GDPD1: variants seen among roughly 807,000 people sequenced by gnomAD.
GDPD1 encodes lysophospholipase D GDPD1.
In GDPD1, 28 loss-of-function variants were observed where a neutral mutation model predicts 45.1. The ratio of observed to expected loss-of-function variants is 0.62; its 90% CI spans 0.46 to 0.85. GDPD1 has a LOEUF of 0.85. GDPD1 is among the 40% of genes least tolerant of loss of function. GDPD1 has a pLI of 0.00. For missense variants in GDPD1, 256 were observed against 364.8 expected (o/e 0.70, Z 2.43); for synonymous variants, 139 against 131.4 (o/e 1.06, Z -0.40).
At chr17:59,257,709 G>A in intron 5 of GDPD1, 42 bp from the exon 6 acceptor site, 1 of 1,232,574 alleles carries the variant, frequency 8.1e-7, no homozygotes, top group South Asian at 1.3e-5. Context: ...TAGTGGATTT[G>A]CAAATAGGCA....
intron 1 of GDPD1, among the ~76,000 whole-genome samples, chr17:59,224,425 A>T (rs939157999): frequency 1.3e-5 from 2 of 152,102 alleles, no homozygotes; most frequent in African/African-American, 4.8e-5. Flanking sequence ...AATCGAGACC[A>T]TCCTGGCTAA....
At chr17:59,228,172 A>G (rs2047062123) in intron 1 of GDPD1, among the ~76,000 whole-genome samples, 3 of 137,850 alleles carry the variant, frequency 2.2e-5, no homozygotes, top group Admixed American at 2.2e-4. Context: ...ACTCCATCTA[A>G]AAAAAAAAAA....
chr17:59,233,428 C>T (rs2047106824), intron 1 of GDPD1, among the ~76,000 whole-genome samples: 2 of 147,424 alleles, frequency 1.4e-5, no homozygotes, highest in Admixed American at 6.9e-5. Flanking sequence ...AGGAGAATGG[C>T]GTAAGCCCGG....
At chr17:59,238,721 T>C (rs1183828248) in intron 2 of GDPD1, among the ~76,000 whole-genome samples, 2 of 152,154 alleles carry the variant, frequency 1.3e-5, no homozygotes, top group Non-Finnish European at 2.9e-5. Context: ...CCTTGTGTTA[T>C]TTCATTAGGA....
chr17:59,228,498 G>C (rs1294515883), intron 1 of GDPD1, among the ~76,000 whole-genome samples: 2 of 152,178 alleles, frequency 1.3e-5, no homozygotes, highest in East Asian at 3.8e-4. Context: ...ATACAGAGGA[G>C]AGACTGTTTA....
chr17:59,243,996 A>G (rs1468666267), intron 2 of GDPD1, among the ~76,000 whole-genome samples: 2 of 152,138 alleles, frequency 1.3e-5, no homozygotes, highest in African/African-American at 4.8e-5. Flanking sequence ...TTGCCTCCTC[A>G]GAAGAAAAAA....
intron 7 of GDPD1, among the ~76,000 whole-genome samples, chr17:59,269,249 A>T (rs191262168): frequency 6.6e-6 from 1 of 151,920 alleles, no homozygotes; most frequent in East Asian, 1.9e-4. Flanking sequence ...GTGAGTCGAG[A>T]TGGCTGCACT....
chr17:59,265,901 CA>C (rs60404339), intron 6 of GDPD1, among the ~76,000 whole-genome samples: 27,763 of 80,428 alleles, frequency 0.35, 2,756 homozygotes, highest in African/African-American at 0.43. Flanking sequence ...GACCTTATCT[CA>C]AAAAAAAAAA....
chr17:59,245,577 A>G (rs2047204294), intron 3 of GDPD1, 28 bp downstream of exon 3: 5 of 1,557,256 alleles, frequency 3.2e-6, no homozygotes, highest in African/African-American at 1.4e-5. Context: ...ATAAACTAAT[A>G]TCTAATAGAT....
chr17:59,246,504 T>C (rs1375167524), intron 3 of GDPD1, among the ~76,000 whole-genome samples: 2 of 150,878 alleles, frequency 1.3e-5, no homozygotes, highest in African/African-American at 4.9e-5. Flanking sequence ...AGGTCAGGAG[T>C]TCGGGACCGC....
At chr17:59,228,871 C>A (rs1467009585) in intron 1 of GDPD1, among the ~76,000 whole-genome samples, 2 of 151,060 alleles carry the variant, frequency 1.3e-5, no homozygotes, top group Non-Finnish European at 1.5e-5. Flanking sequence ...CAGAGTGAGA[C>A]CCTGTCTCAG....
At chr17:59,241,785 G>T (rs1387618716) in intron 2 of GDPD1, among the ~76,000 whole-genome samples, 1 of 151,902 alleles carries the variant, frequency 6.6e-6, no homozygotes, top group Non-Finnish European at 1.5e-5. Flanking sequence ...AAAATTAGCT[G>T]GGCGTGGTGG....
intron 2 of GDPD1, among the ~76,000 whole-genome samples, chr17:59,240,266 GGGTGACAGAGTGAGAC>G (rs1301540399): frequency 2.0e-5 from 3 of 151,752 alleles, no homozygotes; most frequent in Admixed American, 2.0e-4. Flanking sequence ...ACTCCAGCCT[GGGTGACAGAGTGAGAC>G]TCTGTCTCAA....
In GDPD1 at chr17:59,222,287, A is replaced by C. The variant is rs562750012; in HGVS notation, c.142+1536A>C. ...AGTGGCGCGATCTCGGCTCACTGCA[A>C]GCTCCTCCTCCCGGGTTCACGCCAT... On this transcript the variant is annotated intron_variant, in intron 1 of 9. Transcript: ENST00000284116. Among the ~76,000 whole-genome samples the C allele has an allele frequency of 4.0e-5, 6 of 151,898 alleles. No homozygotes were observed. In the South Asian group the frequency reaches 1.3e-3, roughly 32 times the overall value.
chr17:59,234,191 CA>C (rs967183293), intron 1 of GDPD1, among the ~76,000 whole-genome samples: 28 of 147,948 alleles, frequency 1.9e-4, no homozygotes, highest in African/African-American at 3.5e-4. Context: ...ACTAAAAATA[CA>C]AAAAAAAAAT....
intron 6 of GDPD1, among the ~76,000 whole-genome samples, chr17:59,261,466 A>G (rs1035192699): frequency 1.3e-5 from 2 of 151,666 alleles, no homozygotes; most frequent in Admixed American, 1.3e-4. Flanking sequence ...CCTATAAATG[A>G]TTTTTTTTAA....
At chr17:59,229,245 C>T (rs1448093480) in intron 1 of GDPD1, among the ~76,000 whole-genome samples, 2 of 150,490 alleles carry the variant, frequency 1.3e-5, no homozygotes, top group Non-Finnish European at 3.0e-5. Flanking sequence ...ACTCTACCTC[C>T]TGGGTTCAAG....
In GDPD1 at chr17:59,248,769, T is replaced by C. The variant is rs2047231932; in HGVS notation, c.351T>C (p.Asp117=). The change falls in exon 4 of 10, where the codon GAT becomes GAC. Residue 117 remains aspartate, a synonymous_variant. Coordinates refer to ENST00000284116, the MANE Select transcript of GDPD1 (RefSeq NM_182569.4). ...TCCCACCTTACCTTGGCAAACTGGA[T>C]GTCTCATTTCAAAGAGGTAATATTT... is the stretch of plus-strand genomic sequence containing the variant. ...CELPPYLGKL[D]VSFQRACQCE... 1.2e-6 allele frequency: 2 copies of C among 1,605,624 alleles called. No homozygotes were observed. The highest frequency in any genetic ancestry group is 8.5e-7 in the Non-Finnish European group (1 of 1,175,468).
chr17:59,234,630 G>T, intron 2 of GDPD1, 96 bp downstream of exon 2: 1 of 808,256 alleles, frequency 1.2e-6, no homozygotes. Flanking sequence ...GATAGTGTAA[G>T]TGTAGCATCA....
Sources: gnomAD v4.1 joint callset for allele counts (sites outside exome capture counted in the v4.1 genomes callset) on GRCh38, gnomAD v4.1.1 for gene constraint, MANE v1.5 for transcripts, NCBI Gene and HGNC (gene_info 2026-07-23, HGNC 2026-07-21) for gene names.